Variants in ADARB2 observed in about 807,000 individuals in gnomAD.
ADARB2 encodes the protein adenosine deaminase RNA specific B2 (inactive), also known as inactive double-stranded RNA-specific editase B2.
A neutral mutation model predicts 62.2 loss-of-function variants in ADARB2; 25 were observed. The observed-to-expected ratio is 0.40, with a 90% CI of 0.29 to 0.56. The LOEUF is 0.56. Ranked by LOEUF, ADARB2 falls within the 20% of genes least tolerant of loss-of-function variation. The pLI, the probability that ADARB2 is intolerant of heterozygous loss-of-function variation, is 0.43. For missense variants in ADARB2, 1,071 were observed against 1,077.4 expected, an observed-to-expected ratio of 0.99 and a Z score of 0.08; for synonymous variants, 572 against 500.8, an observed-to-expected ratio of 1.14 and a Z score of -1.90.
intron 1 of ADARB2, among the ~76,000 whole-genome samples, chr10:1,475,668 C>A (rs986066778): frequency 2.0e-5 from 3 of 152,164 alleles, no homozygotes; most frequent in African/African-American, 7.2e-5. Flanking sequence ...GCCATTTGAG[C>A]CAGACCTTAT....
chr10:1,406,961 C>G (rs1004886143), intron 1 of ADARB2, among the ~76,000 whole-genome samples: 9 of 152,236 alleles, frequency 5.9e-5, no homozygotes, highest in African/African-American at 2.2e-4. Context: ...CAGAAGCAGC[C>G]TTCCTTGGGA....
intron 1 of ADARB2, among the ~76,000 whole-genome samples, chr10:1,392,588 G>A (rs1832579507): frequency 6.6e-6 from 1 of 152,196 alleles, no homozygotes; most frequent in African/African-American, 2.4e-5. Context: ...AAGGCAAGGA[G>A]TTCGTCTCAC....
intron 1 of ADARB2, among the ~76,000 whole-genome samples, chr10:1,510,002 T>C (rs1588282429): frequency 1.3e-5 from 2 of 151,784 alleles, no homozygotes; most frequent in African/African-American, 4.8e-5. Flanking sequence ...TTCTCTTTCT[T>C]TCTTTTCTTT....
intron 1 of ADARB2, chr10:1,675,471 G>C: frequency 1.0e-5 from 10 of 981,430 alleles, no homozygotes; most frequent in Non-Finnish European, 1.2e-5. Flanking sequence ...CTGGAGGTTT[G>C]GGTTTGGGGG....
intron 1 of ADARB2, among the ~76,000 whole-genome samples, chr10:1,573,962 C>G (rs1271092316): frequency 6.6e-6 from 1 of 152,252 alleles, no homozygotes; most frequent in Non-Finnish European, 1.5e-5. Context: ...CATCTCTTAA[C>G]CTTTTGGGGC....
intron 1 of ADARB2, among the ~76,000 whole-genome samples, chr10:1,417,252 T>C (rs1034759779): frequency 6.6e-6 from 1 of 151,604 alleles, no homozygotes; most frequent in African/African-American, 2.4e-5. Flanking sequence ...AGTCAAGAAG[T>C]ATAGACTAGA....
Position 1,294,432 on chromosome 10 carries a change from G to C in ADARB2, c.1078-23363C>G, listed in dbSNP as rs567607258. ...TTCCTCATTTCTGTCAGCCACAGCT[G>C]CACACTCTGAGTGTGTGCTGATGGG... On this transcript the variant is annotated intron_variant, in intron 3 of 9. Transcript: ENST00000381312. 2.0e-5 allele frequency among the ~76,000 whole-genome samples: 3 copies of C among 152,266 alleles called. No homozygotes were observed. In the South Asian group the frequency reaches 6.2e-4, roughly 32 times the overall value.
intron 3 of ADARB2, among the ~76,000 whole-genome samples, chr10:1,275,596 T>C (rs913497019): frequency 2.6e-5 from 4 of 152,124 alleles, no homozygotes; most frequent in African/African-American, 9.6e-5. Flanking sequence ...CATGTTGGTG[T>C]GCTGCACACA....
intron 1 of ADARB2, among the ~76,000 whole-genome samples, chr10:1,549,163 G>A (rs1246545625): frequency 8.4e-6 from 1 of 119,138 alleles, no homozygotes; most frequent in Admixed American, 1.2e-4. Flanking sequence ...TAGCTGGGGG[G>A]TCCCCTCCTC....
intron 1 of ADARB2, among the ~76,000 whole-genome samples, chr10:1,670,774 A>G (rs150214762): frequency 2.8e-3 from 426 of 152,306 alleles, no homozygotes; most frequent in African/African-American, 9.7e-3. Context: ...TGAGCTGTCC[A>G]GCAGGTTTCT....
intron 4 of ADARB2, among the ~76,000 whole-genome samples, chr10:1,267,052 CAA>C (rs1285602220): frequency 2.7e-5 from 4 of 148,994 alleles, no homozygotes; most frequent in African/African-American, 7.4e-5. Context: ...ATTCATAAAA[CAA>C]ATGACATAAA....
intron 1 of ADARB2, among the ~76,000 whole-genome samples, chr10:1,627,396 T>A (rs1384526302): frequency 1.3e-5 from 2 of 152,166 alleles, no homozygotes; most frequent in African/African-American, 4.8e-5. Flanking sequence ...TATCTTAATT[T>A]TTTTTCTCTC....
chr10:1,599,683 A>C (rs1460475438), intron 1 of ADARB2, among the ~76,000 whole-genome samples: 2 of 152,200 alleles, frequency 1.3e-5, no homozygotes, highest in East Asian at 3.8e-4. Flanking sequence ...TTTAGGAAAA[A>C]ATTCGCACCT....
rs1439542335 is a variant in ADARB2 at position 1,426,978 on chromosome 10, C to T, written c.101-47818G>A. On this transcript the variant is annotated intron_variant, in intron 1 of 9. Transcript: ENST00000381312. The surrounding 1 kb of genome is among the most constrained non-coding windows in gnomAD (Gnocchi z 4.1). ...GCCACAGAGCTATGTGTCGGCCCCA[C>T]GCTTGGGCAGACCACTGCAGGCACG... Among the ~76,000 whole-genome samples the T allele has an allele frequency of 3.3e-5, 5 of 152,268 alleles. No homozygotes were observed. The highest frequency in any genetic ancestry group is 7.2e-5 in the African/African-American group (3 of 41,478).
rs1588296759 is a variant in ADARB2, at chr10:1,546,461, T to A, written c.101-167301A>T. On this transcript the variant is annotated intron_variant, in intron 1 of 9. Coordinates refer to ENST00000381312, the MANE Select transcript of ADARB2 (RefSeq NM_018702.4). ...AACTCGCAGTGAAAAATTCTGCCTG[T>A]CTGTCCTGCTCCTGACTTTGAGGAG... is the stretch of plus-strand genomic sequence containing the variant. Among the ~76,000 whole-genome samples, 3 of 152,358 alleles carry A rather than the reference T, an allele frequency of 2.0e-5. No homozygotes were observed. The South Asian group carries it at 6.2e-4, about 32-fold the overall frequency.
At chr10:1,289,855 C>T (rs536415744) in intron 3 of ADARB2, among the ~76,000 whole-genome samples, 2 of 152,358 alleles carry the variant, frequency 1.3e-5, no homozygotes, top group African/African-American at 4.8e-5. Context: ...AGGCGTTCGC[C>T]AAACAATAGC....
intron 1 of ADARB2, among the ~76,000 whole-genome samples, chr10:1,569,052 CAGAG>C (rs1431515771): frequency 6.6e-6 from 1 of 150,876 alleles, no homozygotes; most frequent in Admixed American, 6.6e-5. Flanking sequence ...GATAGAGAGA[CAGAG>C]AGAAAGAGAG....
At chr10:1,209,482 TGCCTACACTGTC>T (rs1837117168) in intron 7 of ADARB2, among the ~76,000 whole-genome samples, 1 of 106,484 alleles carries the variant, frequency 9.4e-6, no homozygotes, top group South Asian at 3.0e-4. Flanking sequence ...CCCATGCCCA[TGCCTACACTGTC>T]GCCCATGCCT....
intron 4 of ADARB2, among the ~76,000 whole-genome samples, chr10:1,270,272 G>A (rs1457627604): frequency 6.6e-6 from 1 of 152,212 alleles, no homozygotes; most frequent in Non-Finnish European, 1.5e-5. Context: ...TGCAGAGCAA[G>A]TGTGTGTGTG....
Sources: allele counts gnomAD v4.1 joint callset (sites outside exome capture counted in the v4.1 genomes callset), GRCh38; gene constraint gnomAD v4.1.1; non-coding constraint Gnocchi (gnomAD v3.1); transcripts MANE v1.5; gene names NCBI Gene and HGNC (gene_info 2026-07-23, HGNC 2026-07-21).